SCN11A: variants seen among roughly 807,000 people sequenced by gnomAD.
The protein encoded by SCN11A is sodium voltage-gated channel alpha subunit 11.
Under a neutral mutation model 162.2 loss-of-function variants are expected in SCN11A, and 122 were observed. The observed-to-expected ratio is 0.75, with a 90% CI of 0.65 to 0.87. The LOEUF is 0.87. SCN11A is among the 40% of genes least tolerant of loss of function. The pLI is 0.00. For missense variants in SCN11A, 2,015 were observed against 2,181.6 expected (o/e 0.92, Z 1.52); for synonymous variants, 758 against 751.5 (o/e 1.01, Z -0.14).
In SCN11A at chr3:38,950,078, C is replaced by CCCCCCCCACCCCCCG. The variant is rs1553644472; in HGVS notation, c.267+17_267+18insCGGGGGGTGGGGGGG. 7.1e-6 allele frequency: 1 copy of CCCCCCCCACCCCCCG among 139,974 alleles called. No homozygotes were observed. The highest frequency in any genetic ancestry group is 3.6e-5 in the African/African-American group (1 of 27,720). 8.7% of individuals were successfully genotyped at this position (139,974 alleles called of 1,614,324 possible). The stretch of plus-strand genomic sequence containing the variant: ...GAACACCCCCACCCCCACCCCCCCC[C>CCCCCCCCACCCCCCG]CCCGCCCAATGAAGTACCTTATGAT... On this transcript the variant is annotated intron_variant, in intron 5 of 29. Coordinates refer to ENST00000302328, the MANE Select transcript of SCN11A (RefSeq NM_001349253.2).
At chr3:38,969,996 A>G (rs974038602) in intron 2 of SCN11A, among the ~76,000 whole-genome samples, 1 of 149,890 alleles carries the variant, frequency 6.7e-6, no homozygotes, top group Admixed American at 6.7e-5. Flanking sequence ...TGCAGCGCAG[A>G]TGTTAGCTGC....
intron 16 of SCN11A, among the ~76,000 whole-genome samples, chr3:38,901,561 C>T (rs527506396): frequency 2.6e-5 from 4 of 152,282 alleles, no homozygotes; most frequent in African/African-American, 9.6e-5. Context: ...TCAGTGTATC[C>T]CTCTGATTAG....
intron 9 of SCN11A, 109 bp downstream of exon 9, chr3:38,925,306 A>G (rs2066120888): frequency 1.4e-6 from 1 of 715,422 alleles, no homozygotes; most frequent in Non-Finnish European, 2.4e-6. Context: ...AAATTTGTAA[A>G]GCAGGCTTTG....
chr3:38,882,625 T>TG (rs1156870240), intron 22 of SCN11A, among the ~76,000 whole-genome samples: 1 of 152,086 alleles, frequency 6.6e-6, no homozygotes, highest in African/African-American at 2.4e-5. Flanking sequence ...CCAGAAGGTG[T>TG]GGAGAGAGAG....
intron 28 of SCN11A, among the ~76,000 whole-genome samples, 179 bp from the exon 29 acceptor site, chr3:38,850,930 T>C (rs907450512): frequency 1.3e-5 from 2 of 152,226 alleles, no homozygotes; most frequent in Non-Finnish European, 2.9e-5. Flanking sequence ...TTGCCTTATA[T>C]ATTTTCATTA....
intron 1 of SCN11A, among the ~76,000 whole-genome samples, chr3:39,046,089 G>A (rs1180505688): frequency 6.6e-6 from 1 of 152,140 alleles, no homozygotes; most frequent in Admixed American, 6.6e-5. Context: ...GCAAAACCCT[G>A]TCTGTACTAA....
At chr3:38,912,476 T>C (rs1435825435) in intron 11 of SCN11A, among the ~76,000 whole-genome samples, 1 of 152,172 alleles carries the variant, frequency 6.6e-6, no homozygotes, top group African/African-American at 2.4e-5. Flanking sequence ...TCTATTTATT[T>C]ATTTTTACCT....
chr3:38,942,592 T>C (rs1217259171), intron 7 of SCN11A, among the ~76,000 whole-genome samples: 1 of 152,154 alleles, frequency 6.6e-6, no homozygotes, highest in Admixed American at 6.5e-5. Flanking sequence ...AACACACTTC[T>C]AAATGACATA....
At chr3:38,981,062 C>T (rs900191979) in intron 2 of SCN11A, among the ~76,000 whole-genome samples, 2 of 152,184 alleles carry the variant, frequency 1.3e-5, no homozygotes, top group African/African-American at 4.8e-5. Context: ...AATTGGTTTT[C>T]TTCAATTTCA....
intron 2 of SCN11A, among the ~76,000 whole-genome samples, chr3:39,008,719 T>C (rs1227070317): frequency 6.6e-6 from 1 of 151,992 alleles, no homozygotes; most frequent in African/African-American, 2.4e-5. Context: ...TGAAACCCCA[T>C]CTCTACTAAA....
chr3:39,044,507 A>C (rs997152720), intron 1 of SCN11A, among the ~76,000 whole-genome samples: 1 of 152,178 alleles, frequency 6.6e-6, no homozygotes, highest in African/African-American at 2.4e-5. Flanking sequence ...CTAGAAATCA[A>C]TAATAACAGA....
intron 2 of SCN11A, among the ~76,000 whole-genome samples, chr3:39,004,901 T>C (rs1396110649): frequency 8.5e-5 from 13 of 152,178 alleles, no homozygotes; most frequent in Admixed American, 2.6e-4. Flanking sequence ...AGACACCGAA[T>C]TGTAGAAGGA....
chr3:39,015,409 A>G (rs1405993470), intron 2 of SCN11A, among the ~76,000 whole-genome samples: 1 of 152,104 alleles, frequency 6.6e-6, no homozygotes, highest in Non-Finnish European at 1.5e-5. Flanking sequence ...GTTTCTATAC[A>G]CAAACCCACT....
At chr3:38,991,845 A>G (rs942541305) in intron 2 of SCN11A, among the ~76,000 whole-genome samples, 1 of 152,030 alleles carries the variant, frequency 6.6e-6, no homozygotes, top group African/African-American at 2.4e-5. Context: ...GTCTCACTCT[A>G]TCCCCCAGGC....
At chr3:38,963,452 A>G (rs2066760165) in intron 2 of SCN11A, among the ~76,000 whole-genome samples, 1 of 100,106 alleles carries the variant, frequency 1.0e-5, no homozygotes, top group African/African-American at 5.5e-5. Context: ...TATGATGGAG[A>G]TATATATATA....
chr3:38,964,708 C>A (rs2066770779), intron 2 of SCN11A, among the ~76,000 whole-genome samples: 1 of 152,202 alleles, frequency 6.6e-6, no homozygotes, highest in Non-Finnish European at 1.5e-5. Context: ...TGTAGACAAC[C>A]TCTAGTGGTT....
chr3:38,882,153 A>G (rs983370509), intron 22 of SCN11A, among the ~76,000 whole-genome samples: 1 of 152,220 alleles, frequency 6.6e-6, no homozygotes, highest in African/African-American at 2.4e-5. Context: ...CTATTTGAAG[A>G]ATAATTTACA....
At chr3:38,937,757 A>T (rs2066359923) in intron 7 of SCN11A, among the ~76,000 whole-genome samples, 2 of 152,222 alleles carry the variant, frequency 1.3e-5, no homozygotes, top group African/African-American at 4.8e-5. Context: ...AAATAGGAAC[A>T]CTTTTACACT....
At chr3:38,960,521 G>A (rs1366808108) in intron 2 of SCN11A, among the ~76,000 whole-genome samples, 98 bp from the exon 3 acceptor site, 1 of 152,034 alleles carries the variant, frequency 6.6e-6, no homozygotes, top group Non-Finnish European at 1.5e-5. Context: ...TGACTGAGAG[G>A]GTACTTACAT....
Sources: allele counts gnomAD v4.1 joint callset (sites outside exome capture counted in the v4.1 genomes callset), GRCh38; gene constraint gnomAD v4.1.1; transcripts MANE v1.5; gene names NCBI Gene and HGNC (gene_info 2026-07-23, HGNC 2026-07-21).